RAMP1: variants seen among roughly 807,000 people sequenced by gnomAD.
The protein encoded by RAMP1 is receptor activity-modifying protein 1.
In RAMP1, 7 loss-of-function variants were observed where a neutral mutation model predicts 8.2. The ratio of observed to expected loss-of-function variants is 0.85; its 90% CI spans 0.49 to 1.60. The LOEUF is 1.60. Among genes scored for constraint, RAMP1 ranks in the 40% most tolerant of loss-of-function variants. The pLI is 0.00. For synonymous variants in RAMP1, 92 were observed against 84.7 expected, an observed-to-expected ratio of 1.09 and a Z score of -0.47; for missense variants, 192 against 202.4, an observed-to-expected ratio of 0.95 and a Z score of 0.31.
At chr2:237,910,532 C>A (rs1236704494) in intron 2 of RAMP1, among the ~76,000 whole-genome samples, 2 of 151,870 alleles carry the variant, frequency 1.3e-5, no homozygotes, top group Non-Finnish European at 2.9e-5. Context: ...TAGTCACACA[C>A]ACAGTAACAC....
chr2:237,878,204 C>T lies in RAMP1; in HGVS notation c.191+842C>T, dbSNP rs531068294. Reference sequence around the variant, plus strand: ...CAGAGATCTGTCTGTGGGTTCACAGCGCAGCGCAAGTCCTGGTGCCCCACC... The same window carrying T: ...CAGAGATCTGTCTGTGGGTTCACAGTGCAGCGCAAGTCCTGGTGCCCCACC... On this transcript the variant is annotated intron_variant, in intron 2 of 2. Coordinates refer to ENST00000254661, the MANE Select transcript of RAMP1 (RefSeq NM_005855.4). The surrounding 1 kb of genome is among the most constrained non-coding windows in gnomAD (Gnocchi z 5.7). 3.1e-6 allele frequency: 3 copies of T among 978,736 alleles called. No individual in the cohort carries two copies. Among genetic ancestry groups the T allele is most frequent in the Non-Finnish European group, 3.6e-6 (3 of 823,984 alleles). 60.6% of individuals were successfully genotyped at this position (978,736 alleles called of 1,614,324 possible).
At chr2:237,896,841 GTC>G (rs2062547398) in intron 2 of RAMP1, among the ~76,000 whole-genome samples, 1 of 151,688 alleles carries the variant, frequency 6.6e-6, no homozygotes, top group African/African-American at 2.4e-5. Context: ...AGATGGGGGA[GTC>G]TCTCTGTGTT....
chr2:237,897,603 T>C (rs1304227250), intron 2 of RAMP1, among the ~76,000 whole-genome samples: 2 of 152,112 alleles, frequency 1.3e-5, no homozygotes, highest in Non-Finnish European at 2.9e-5. Context: ...AGTGCAATAT[T>C]TAGCTGGTAA....
At chr2:237,870,869 G>A (rs925245611) in intron 1 of RAMP1, among the ~76,000 whole-genome samples, 4 of 152,178 alleles carry the variant, frequency 2.6e-5, no homozygotes, top group Admixed American at 6.5e-5. Flanking sequence ...TGCAAGAGAG[G>A]GACAAAGAAC....
chr2:237,867,981 G>A (rs1031858132), intron 1 of RAMP1, among the ~76,000 whole-genome samples: 3 of 151,588 alleles, frequency 2.0e-5, no homozygotes, highest in African/African-American at 7.3e-5. Flanking sequence ...CCTTTTCATG[G>A]TGTAGAAAAT....
At chr2:237,897,862 A>C (rs1484086258) in intron 2 of RAMP1, among the ~76,000 whole-genome samples, 1 of 151,816 alleles carries the variant, frequency 6.6e-6, no homozygotes, top group East Asian at 1.9e-4. Context: ...GCAGTGGTGC[A>C]ACCTCAGCTC....
At chr2:237,882,639 C>T (rs1011442520) in intron 2 of RAMP1, among the ~76,000 whole-genome samples, 1 of 152,180 alleles carries the variant, frequency 6.6e-6, no homozygotes, top group South Asian at 2.1e-4. Context: ...TGAGGTCCAT[C>T]GCATTGAGAC....
intron 2 of RAMP1, among the ~76,000 whole-genome samples, chr2:237,908,713 G>GGC (rs2062677620): frequency 2.6e-5 from 4 of 152,154 alleles, no homozygotes; most frequent in African/African-American, 7.2e-5. Flanking sequence ...TGGGATTACA[G>GGC]GTGTTAAGCC....
intron 2 of RAMP1, among the ~76,000 whole-genome samples, chr2:237,910,963 A>C (rs1322054175): frequency 6.6e-6 from 1 of 152,174 alleles, no homozygotes; most frequent in Non-Finnish European, 1.5e-5. Context: ...AGAGTCACAC[A>C]CAGTGAATAA....
Position 237,859,707 on chromosome 2 carries a change from G to A in RAMP1, c.32G>A (p.Arg11His). Residue 11 changes from arginine to histidine, a missense_variant, in exon 1 of 3, where the codon CGC (arginine) becomes CAC (histidine). By Grantham distance (29) the Arg-to-His change is conservative. Coordinates refer to ENST00000254661, the MANE Select transcript of RAMP1 (RefSeq NM_005855.4). MARALCRLPR[R>H]GLWLLLAHHL... ...CGGGCCCTGTGCCGCCTCCCGCGGC[G>A]CGGCCTCTGGCTGCTCCTGGGTGAG... The A allele has an allele frequency of 1.3e-6, 2 of 1,512,450 alleles. No homozygotes were observed. The highest frequency in any genetic ancestry group is 1.8e-6 in the Non-Finnish European group (2 of 1,131,172). 93.7% of individuals were successfully genotyped at this position (1,512,450 alleles called of 1,614,324 possible).
chr2:237,903,089 C>G (rs11675725), intron 2 of RAMP1, among the ~76,000 whole-genome samples: 35,845 of 151,820 alleles, frequency 0.24, 4,424 homozygotes, highest in Non-Finnish European at 0.26. Flanking sequence ...GAACTCCTGG[C>G]CTCAAGCGAT....
At chr2:237,897,771 G>GTT (rs35099249) in intron 2 of RAMP1, among the ~76,000 whole-genome samples, 313 of 72,378 alleles carry the variant, frequency 4.3e-3, no homozygotes, top group Non-Finnish European at 7.9e-3. Context: ...GTTTGTTTTG[G>GTT]TTTTTTGGGG....
intron 2 of RAMP1, among the ~76,000 whole-genome samples, chr2:237,885,233 A>C (rs1414618769): frequency 6.7e-6 from 1 of 148,150 alleles, no homozygotes; most frequent in Non-Finnish European, 1.5e-5. Context: ...TGAAATCACG[A>C]GGGCTGTCTG....
intron 1 of RAMP1, among the ~76,000 whole-genome samples, chr2:237,876,189 G>A (rs571988832): frequency 4.5e-4 from 69 of 152,302 alleles, no homozygotes; most frequent in African/African-American, 1.7e-3. Flanking sequence ...CCCAGGCCAC[G>A]TGCCGGAGAC....
chr2:237,893,660 C>T (rs775160634), intron 2 of RAMP1, among the ~76,000 whole-genome samples: 10 of 152,082 alleles, frequency 6.6e-5, no homozygotes, highest in South Asian at 2.1e-4. Flanking sequence ...TAGTTTCGGC[C>T]GGGTATGGTG....
intron 2 of RAMP1, among the ~76,000 whole-genome samples, chr2:237,895,130 CCCT>C (rs1398571047): frequency 6.6e-6 from 1 of 152,188 alleles, no homozygotes; most frequent in African/African-American, 2.4e-5. Flanking sequence ...GAGCCCCTCA[CCCT>C]CCCTTGAGGT....
In RAMP1 at chr2:237,865,931, C is replaced by A. The variant is rs1193694581; in HGVS notation, c.52+6204C>A. Among the ~76,000 whole-genome samples the A allele has an allele frequency of 1.3e-5, 2 of 152,190 alleles. No individual in the cohort carries two copies. ...CTTAGGAGGCAGCGAGGAGGTGAAACCAGAGAGCATGCCTGTGTAGGTTTC... is the reference window on the plus strand; with the variant it reads ...CTTAGGAGGCAGCGAGGAGGTGAAAACAGAGAGCATGCCTGTGTAGGTTTC... On this transcript the variant is annotated intron_variant, in intron 1 of 2. Coordinates refer to ENST00000254661, the MANE Select transcript of RAMP1 (RefSeq NM_005855.4). The surrounding 1 kb of genome is among the most constrained non-coding windows in gnomAD (Gnocchi z 4.2).
chr2:237,868,637 T>C (rs931749898), intron 1 of RAMP1, among the ~76,000 whole-genome samples: 2 of 152,100 alleles, frequency 1.3e-5, no homozygotes, highest in African/African-American at 4.8e-5. Context: ...ACACTTTTTC[T>C]TGAATGCCTA....
Position 237,911,776 on chromosome 2 carries a change from T to C in RAMP1, c.440T>C (p.Ile147Thr), listed in dbSNP as rs2062718552. ...VVWQSKRTEG[I>T]V ...TGGCAGAGCAAGCGCACTGAGGGCATTGTGTAGGCGGGGCCCAGGCTGCCC... is the reference window on the plus strand; with the variant it reads ...TGGCAGAGCAAGCGCACTGAGGGCACTGTGTAGGCGGGGCCCAGGCTGCCC... Residue 147 changes from isoleucine (I) to threonine (T), a missense_variant, in exon 3 of 3, where the codon ATT (isoleucine) becomes ACT (threonine). Coordinates refer to ENST00000254661, the MANE Select transcript of RAMP1 (RefSeq NM_005855.4). The C allele has an allele frequency of 1.2e-6, 2 of 1,606,656 alleles. No homozygotes were observed. The highest frequency in any genetic ancestry group is 1.7e-6 in the Non-Finnish European group (2 of 1,176,610).
Sources: allele counts gnomAD v4.1 joint callset (sites outside exome capture counted in the v4.1 genomes callset), GRCh38; gene constraint gnomAD v4.1.1; non-coding constraint Gnocchi (gnomAD v3.1); transcripts MANE v1.5; gene names NCBI Gene and HGNC (gene_info 2026-07-23, HGNC 2026-07-21).